The following RSPH14 variants were observed in gnomAD, a reference collection of about 807,000 sequenced individuals.
RSPH14 encodes the protein rhabdoid tumor deletion region gene 1.
In RSPH14, 20 loss-of-function variants were observed where a neutral mutation model predicts 26.7. The ratio of observed to expected loss-of-function variants is 0.75; its 90% CI spans 0.53 to 1.09. The LOEUF (loss-of-function observed/expected upper bound fraction) is 1.09. Ranked by LOEUF, RSPH14 falls within the 50% of genes least tolerant of loss-of-function variation. The probability of loss-of-function intolerance (pLI) is 0.00; values close to 1 mark genes in which losing one functional copy is unlikely to be tolerated. For synonymous variants in RSPH14, 177 were observed against 189.3 expected, an observed-to-expected ratio of 0.93 and a Z score of 0.53; for missense variants, 449 against 457.2, an observed-to-expected ratio of 0.98 and a Z score of 0.16.
At chr22:23,073,371 T>C (rs985943567) in intron 4 of RSPH14, among the ~76,000 whole-genome samples, 2 of 152,246 alleles carry the variant, frequency 1.3e-5, no homozygotes, top group Non-Finnish European at 2.9e-5. Flanking sequence ...GCAGAGGCTA[T>C]GCTGCGGCCT....
intron 4 of RSPH14, among the ~76,000 whole-genome samples, chr22:23,081,885 G>T (rs907069576): frequency 4.0e-5 from 6 of 151,482 alleles, no homozygotes; most frequent in South Asian, 2.1e-4. Context: ...CAGCACTTTG[G>T]GGGGCCGAGG....
the RSPH14 span, among the ~76,000 whole-genome samples, chr22:23,173,077 CTTTT>C: frequency 1.3e-5 from 2 of 152,024 alleles, no homozygotes; most frequent in African/African-American, 4.8e-5. Context: ...CAGCTCCTTT[CTTTT>C]TAGTGCTGAT....
chr22:23,070,728 GGA>G (rs1032784249), intron 4 of RSPH14: 1 of 152,264 alleles, frequency 6.6e-6, no homozygotes, highest in African/African-American at 2.4e-5. Context: ...CAGGGGTGGG[GGA>G]CACCAAGGGC....
chr22:23,146,726 A>G, upstream of RSPH14: 1 of 1,607,120 alleles, frequency 6.2e-7, no homozygotes, highest in South Asian at 1.1e-5. Flanking sequence ...CTGGCCCTGC[A>G]GCCACATCAG....
chr22:23,141,327 C>CAAA (rs35460609), intron 1 of RSPH14, among the ~76,000 whole-genome samples: 10 of 82,298 alleles, frequency 1.2e-4, no homozygotes, highest in African/African-American at 2.3e-4. Context: ...GACTCCGTCT[C>CAAA]AAAAAAAAAA....
At chr22:23,160,845 C>A in the RSPH14 span, 1 of 1,601,998 alleles carries the variant, frequency 6.2e-7, no homozygotes, top group South Asian at 1.1e-5. Flanking sequence ...AGGAGAAACA[C>A]TGATGAGGTC....
chr22:23,164,678 A>C, the RSPH14 span, among the ~76,000 whole-genome samples: 1 of 152,160 alleles, frequency 6.6e-6, no homozygotes, highest in African/African-American at 2.4e-5. Context: ...GGCAATGACC[A>C]CAGTGACCGC....
chr22:23,092,701 C>A (rs1416173822), intron 4 of RSPH14, among the ~76,000 whole-genome samples: 1 of 152,212 alleles, frequency 6.6e-6, no homozygotes, highest in African/African-American at 2.4e-5. Context: ...GGCTGCCAGC[C>A]CAGTGTCCCC....
chr22:23,061,693 T>G (rs2068095672), intron 6 of RSPH14, 116 bp downstream of exon 6: 1 of 1,354,308 alleles, frequency 7.4e-7, no homozygotes, highest in Non-Finnish European at 9.9e-7. Flanking sequence ...AGGTTTTTTT[T>G]TTTTTTGCAA....
chr22:23,138,994 T>C, intron 2 of RSPH14, 52 bp from the exon 3 acceptor site: 1 of 1,474,664 alleles, frequency 6.8e-7, no homozygotes, highest in Non-Finnish European at 9.1e-7. Flanking sequence ...TTTGCCAGTC[T>C]CAGAAACCAA....
chr22:23,166,147 T>TAAAAA, the RSPH14 span, among the ~76,000 whole-genome samples: 18 of 59,884 alleles, frequency 3.0e-4, no homozygotes, highest in South Asian at 2.0e-3. Context: ...CTCTGTCTTT[T>TAAAAA]AAAAAAAAAA....
At chr22:23,114,694 CTG>C (rs1165287913) in intron 4 of RSPH14, among the ~76,000 whole-genome samples, 2 of 152,168 alleles carry the variant, frequency 1.3e-5, no homozygotes, top group African/African-American at 2.4e-5. Flanking sequence ...CTTACATATT[CTG>C]TGTGTGTGTG....
chr22:23,158,870 T>C, the RSPH14 span: 3 of 1,600,832 alleles, frequency 1.9e-6, no homozygotes, highest in Non-Finnish European at 2.6e-6. Flanking sequence ...GATGGGTGAA[T>C]CTCTCAGCCT....
intron 4 of RSPH14, among the ~76,000 whole-genome samples, chr22:23,082,466 G>A (rs6003498): frequency 0.014 from 2,103 of 149,636 alleles, 48 homozygotes; most frequent in African/African-American, 0.049. Context: ...TGATCCACCT[G>A]CCTCAGCCTC....
intron 4 of RSPH14, among the ~76,000 whole-genome samples, chr22:23,111,612 C>G (rs1239148838): frequency 6.6e-6 from 1 of 152,246 alleles, no homozygotes; most frequent in African/African-American, 2.4e-5. Flanking sequence ...CTTGGACAAA[C>G]AGCTTATTTT....
chr22:23,120,744 C>A (rs1016844371), intron 4 of RSPH14, among the ~76,000 whole-genome samples: 1 of 152,100 alleles, frequency 6.6e-6, no homozygotes, highest in Non-Finnish European at 1.5e-5. Flanking sequence ...CCCCCTACCC[C>A]AAAAGGACCC....
At chr22:23,162,738 G>A in the RSPH14 span, 4 of 456,054 alleles carry the variant, frequency 8.8e-6, no homozygotes, top group South Asian at 1.5e-5. Context: ...CGTAGATGGC[G>A]AGCACCTTGC....
chr22:23,138,876 T>A lies in RSPH14; in HGVS notation c.266A>T (p.Glu89Val). The change falls in exon 3 of 7, where the codon GAG (glutamate) becomes GTG (valine). Residue 89 changes from glutamate to valine, a missense_variant. Coordinates refer to ENST00000216036, the MANE Select transcript of RSPH14 (RefSeq NM_014433.3). Reference sequence around the variant, plus strand: ...ATGGCTTGCCGTGATGTGGAGCACCTCGGTGGTCTTTATGCGCACCATACT... The same window carrying A: ...ATGGCTTGCCGTGATGTGGAGCACCACGGTGGTCTTTATGCGCACCATACT... ...SNSMVRIKTT[E>V]VLHITASHSV... 6.4e-7 allele frequency: 1 copy of A among 1,551,164 alleles called. No individual in the cohort carries two copies. The highest frequency in any genetic ancestry group is 1.2e-5 in the South Asian group (1 of 84,056).
rs546240708 is a variant in RSPH14 at position 23,071,256 on chromosome 22, G to T, written c.422-7123C>A. Among the ~76,000 whole-genome samples the T allele has an allele frequency of 1.1e-3, 162 of 152,286 alleles. No homozygotes were observed. Among genetic ancestry groups the T allele is most frequent in the African/African-American group, 3.7e-3 (153 of 41,578 alleles). On this transcript the variant is annotated intron_variant, in intron 4 of 6. Coordinates refer to ENST00000216036, the MANE Select transcript of RSPH14 (RefSeq NM_014433.3). The surrounding 1 kb of genome is among the most constrained non-coding windows in gnomAD (Gnocchi z 4.1). ...GTGAGGGCCTCAGGGCTGGCGCTCC[G>T]TATCCTGCGGGCGATCCGAGGGGGC...
Sources: gnomAD v4.1 joint callset for allele counts (sites outside exome capture counted in the v4.1 genomes callset) on GRCh38, gnomAD v4.1.1 for gene constraint, Gnocchi (gnomAD v3.1) non-coding constraint, MANE v1.5 for transcripts, NCBI Gene and HGNC (gene_info 2026-07-23, HGNC 2026-07-21) for gene names.